LDB3: variants seen among roughly 807,000 people sequenced by gnomAD.
LDB3 encodes the protein LIM domain-binding protein 3.
LDB3 carries 49 observed loss-of-function variants against 69.0 expected under a neutral mutation model. The ratio of observed to expected loss-of-function variants is 0.71; its 90% CI spans 0.56 to 0.90. The LOEUF (loss-of-function observed/expected upper bound fraction) is 0.90, where lower values mean the gene tolerates loss of function less well. Ranked by LOEUF, LDB3 falls within the 40% of genes least tolerant of loss-of-function variation. The pLI is 0.00. For missense variants in LDB3, 928 were observed against 974.1 expected (o/e 0.95, Z 0.63); for synonymous variants, 387 against 396.2 (o/e 0.98, Z 0.28).
At position 86,732,605 on chromosome 10, in the gene LDB3, G is replaced by A. The variant is rs7899324; in HGVS notation, c.2095-282G>A. On this transcript the variant is annotated intron_variant, in intron 13 of 13. Coordinates refer to ENST00000361373, the MANE Select transcript of LDB3 (RefSeq NM_007078.3). Reference sequence around the variant, plus strand: ...CAACCTCTGTCTCCCGGGTTCAAGAGATTCTTCTGCCTCAACCTCCCGAGT... The same window carrying A: ...CAACCTCTGTCTCCCGGGTTCAAGAAATTCTTCTGCCTCAACCTCCCGAGT... 0.25 allele frequency: 121,283 copies of A among 477,130 alleles called. 17,593 individuals carry two copies. The highest frequency in any genetic ancestry group is 0.59 in the East Asian group (9,555 of 16,228). 29.6% of individuals were successfully genotyped at this position (477,130 alleles called of 1,614,324 possible). A position where few individuals can be genotyped will look rare whatever the true frequency, so the allele number is the denominator to read the frequency against.
intron 5 of LDB3, 127 bp from the exon 6 acceptor site, chr10:86,691,769 A>ATGACCTGG: frequency 1.9e-6 from 2 of 1,068,884 alleles, no homozygotes; most frequent in South Asian, 2.5e-5. Flanking sequence ...GTTCTCAGAC[A>ATGACCTGG]GCAATGGATA....
Position 86,687,724 on chromosome 10 carries a change from C to T in LDB3, c.690-4172C>T, listed in dbSNP as rs573158472. Among the ~76,000 whole-genome samples the T allele has an allele frequency of 2.6e-5, 4 of 152,304 alleles. No individual in the cohort carries two copies. The South Asian group carries it at 8.3e-4, about 32-fold the overall frequency. ...GGTTTCTGGTTTGGGAAGGGGTCTGCGACCAACCATCCACACTACTGCTGG... is the reference window on the plus strand; with the variant it reads ...GGTTTCTGGTTTGGGAAGGGGTCTGTGACCAACCATCCACACTACTGCTGG... On this transcript the variant is annotated intron_variant, in intron 5 of 13. Transcript: ENST00000361373.
At position 86,720,443 on chromosome 10, in the gene LDB3, G is replaced by GAA. The variant is rs34836333; in HGVS notation, c.1978+1605_1978+1606dup. 5.3e-3 allele frequency among the ~76,000 whole-genome samples: 785 copies of GAA among 148,588 alleles called. 5 individuals carry two copies. The highest frequency in any genetic ancestry group is 0.017 in the African/African-American group (690 of 40,456). On this transcript the variant is annotated intron_variant, in intron 12 of 13. Transcript: ENST00000361373. ...TGGGCAACACAGTAAGACTCCATCT[G>GAA]AAAAAAAAAAGAAAGAAAGAAAAGA...
intron 5 of LDB3, among the ~76,000 whole-genome samples, chr10:86,686,105 A>C (rs1845454812): frequency 6.6e-6 from 1 of 152,052 alleles, no homozygotes; most frequent in Admixed American, 6.5e-5. Context: ...GAGCGCACCT[A>C]TCCATTGGAG....
intron 12 of LDB3, among the ~76,000 whole-genome samples, chr10:86,723,268 T>TAAA (rs56259917): frequency 2.0e-4 from 10 of 49,114 alleles, no homozygotes; most frequent in African/African-American, 5.8e-4. Context: ...AGACTCAATC[T>TAAA]AAAAAAAAAA....
chr10:86,672,178 G>A (rs937273900), intron 2 of LDB3, among the ~76,000 whole-genome samples: 20 of 152,208 alleles, frequency 1.3e-4, no homozygotes, highest in Admixed American at 1.3e-3. Context: ...TTTCTAACAG[G>A]CACTTGTGAA....
chr10:86,685,627 G>A, intron 5 of LDB3: 1 of 1,605,398 alleles, frequency 6.2e-7, no homozygotes, highest in Non-Finnish European at 8.5e-7. Flanking sequence ...AACTGCCCCT[G>A]GTGGAGCCTC....
At chr10:86,712,786 C>T (rs1364712952) in intron 9 of LDB3, among the ~76,000 whole-genome samples, 3 of 152,224 alleles carry the variant, frequency 2.0e-5, no homozygotes, top group Non-Finnish European at 4.4e-5. Flanking sequence ...TCAGGCCGGA[C>T]GCAGTGGCTC....
At chr10:86,723,114 A>T (rs1847139213) in intron 12 of LDB3, among the ~76,000 whole-genome samples, 1 of 151,704 alleles carries the variant, frequency 6.6e-6, no homozygotes. Context: ...AACAAAAAAA[A>T]ATTAAAGTAG....
intron 2 of LDB3, among the ~76,000 whole-genome samples, chr10:86,671,456 T>C (rs1844468946): frequency 6.6e-6 from 1 of 152,218 alleles, no homozygotes. Flanking sequence ...GGTCTCTGCT[T>C]GCAGACCCAC....
intron 11 of LDB3, 113 bp from the exon 12 acceptor site, chr10:86,718,614 G>C (rs764815107): frequency 9.1e-6 from 13 of 1,434,788 alleles, no homozygotes; most frequent in Non-Finnish European, 1.3e-5. Context: ...TGCATCCTGA[G>C]ATCTCCTGCC....
chr10:86,681,338 G>A (rs980145379), intron 4 of LDB3, 98 bp from the exon 5 acceptor site: 19 of 1,558,440 alleles, frequency 1.2e-5, no homozygotes, highest in African/African-American at 1.3e-5. Context: ...CGGGGCTCGC[G>A]CTAACACATC....
intron 2 of LDB3, among the ~76,000 whole-genome samples, chr10:86,674,337 C>T (rs1844654119): frequency 6.6e-6 from 1 of 152,196 alleles, no homozygotes; most frequent in Non-Finnish European, 1.5e-5. Context: ...GGGCCCGGCC[C>T]ATACTGGCAC....
intron 2 of LDB3, among the ~76,000 whole-genome samples, chr10:86,671,447 G>T (rs575868285): frequency 8.3e-4 from 127 of 152,304 alleles, no homozygotes; most frequent in Middle Eastern, 3.4e-3. Flanking sequence ...CCTTCATAGG[G>T]TCTCTGCTTG....
chr10:86,680,631 C>G (rs1845062871), intron 4 of LDB3, among the ~76,000 whole-genome samples: 1 of 152,226 alleles, frequency 6.6e-6, no homozygotes, highest in African/African-American at 2.4e-5. Flanking sequence ...ACTTCCCCAC[C>G]TGCCCCTCCC....
chr10:86,688,214 C>G (rs1448114168), intron 5 of LDB3, among the ~76,000 whole-genome samples: 3 of 152,092 alleles, frequency 2.0e-5, no homozygotes, highest in Non-Finnish European at 2.9e-5. Flanking sequence ...GTCAGGATCC[C>G]CTAGCAATTC....
At chr10:86,731,300 C>T (rs1243583822) in intron 13 of LDB3, among the ~76,000 whole-genome samples, 1 of 144,566 alleles carries the variant, frequency 6.9e-6, no homozygotes, top group African/African-American at 2.6e-5. Context: ...TCTCAGCTCA[C>T]TGAAACCTCC....
In LDB3 at chr10:86,717,963, G is replaced by A. The variant is rs745916737; in HGVS notation, c.1677-1G>A. On this transcript the variant is annotated splice_acceptor_variant, in intron 10 of 13. Transcript: ENST00000361373. LOFTEE classifies it high-confidence loss of function. Reference sequence around the variant, plus strand: ...CTGGGTGCCATTCTGTGCTTCCCCAGGGGCCCATTTCTGGTAGCCATGGGC... The same window carrying A: ...CTGGGTGCCATTCTGTGCTTCCCCAAGGGCCCATTTCTGGTAGCCATGGGC... The A allele has an allele frequency of 1.2e-6, 2 of 1,613,888 alleles. No homozygotes were observed. Among genetic ancestry groups the A allele is most frequent in the South Asian group, 2.2e-5 (2 of 91,064 alleles).
At chr10:86,691,697 G>A (rs1351774474) in intron 5 of LDB3, among the ~76,000 whole-genome samples, 199 bp from the exon 6 acceptor site, 1 of 152,122 alleles carries the variant, frequency 6.6e-6, no homozygotes, top group Non-Finnish European at 1.5e-5. Flanking sequence ...TGAGGGAGGG[G>A]AGTCACTGCT....
Sources: allele counts gnomAD v4.1 joint callset (sites outside exome capture counted in the v4.1 genomes callset), GRCh38; gene constraint gnomAD v4.1.1; transcripts MANE v1.5; gene names NCBI Gene and HGNC (gene_info 2026-07-23, HGNC 2026-07-21).